Variants in PCDHGC3 observed in about 807,000 individuals in gnomAD.
PCDHGC3 encodes the protein protocadherin gamma subfamily C, 3.
A neutral mutation model predicts 59.2 loss-of-function variants in PCDHGC3; 26 were observed. The ratio of observed to expected loss-of-function variants is 0.44; its 90% confidence interval spans 0.32 to 0.61. PCDHGC3 has a LOEUF of 0.61. Among genes scored for constraint, PCDHGC3 ranks in the 20% least tolerant of loss-of-function variants. PCDHGC3 has a pLI of 0.05. For synonymous variants in PCDHGC3, 487 were observed against 519.7 expected (o/e 0.94, Z 0.86); for missense variants, 1,080 against 1,221.8 (o/e 0.88, Z 1.73).
At position 141,491,168 on chromosome 5, in the gene PCDHGC3, A is replaced by T. The variant is rs1293664414; in HGVS notation, c.2431-3639A>T. On this transcript the variant is annotated intron_variant, in intron 1 of 3. Transcript: ENST00000308177. This position sits in a 1 kb window ranked among gnomAD's most constrained non-coding sequence, Gnocchi z 6.9. ...CTGGAGGATGACTCTGACACCCAGC[A>T]GGTGGTGGTCCTGGTGAGGGACAAT... 3.1e-6 allele frequency: 5 copies of T among 1,614,160 alleles called. No individual in the cohort carries two copies. The highest frequency in any genetic ancestry group is 4.2e-6 in the Non-Finnish European group (5 of 1,179,988).
At chr5:141,500,223 T>TTG (rs1227708024) in intron 2 of PCDHGC3, among the ~76,000 whole-genome samples, 1 of 145,320 alleles carries the variant, frequency 6.9e-6, no homozygotes, top group Non-Finnish European at 1.5e-5. Flanking sequence ...TTTATTTATT[T>TTG]ATTGATACGT....
In PCDHGC3 at chr5:141,486,708, C is replaced by A; in HGVS notation, c.2431-8099C>A. On this transcript the variant is annotated intron_variant, in intron 1 of 3. Transcript: ENST00000308177. The surrounding 1 kb of genome is among the most constrained non-coding windows in gnomAD (Gnocchi z 5.0). ...GCTTCCTCTTTCATCTCTCTGAACC[C>A]CCAGACAGGAGCTGTTCATGCTACT... is the stretch of plus-strand genomic sequence containing the variant. 6.2e-7 allele frequency: 1 copy of A among 1,614,180 alleles called. No individual in the cohort carries two copies. Among genetic ancestry groups the A allele is most frequent in the South Asian group, 1.1e-5 (1 of 91,084 alleles).
Position 141,511,132 on chromosome 5 carries a change from A to G in PCDHGC3, c.2764A>G (p.Asn922Asp). The change falls in exon 4 of 4, where the codon AAT (asparagine) becomes GAT (aspartate). Residue 922 changes from asparagine to aspartate, a missense_variant. Coordinates refer to ENST00000308177, the MANE Select transcript of PCDHGC3 (RefSeq NM_002588.4). ...GGATGGCAAGGCCCCAGCAGGTGGC[A>G]ATGGCAACAAGAAGAAGTCGGGCAA... ...KRDGKAPAGG[N>D]GNKKKSGKKE... is the part of the protein sequence containing the mutation. The G allele has an allele frequency of 6.2e-7, 1 of 1,614,218 alleles. No individual in the cohort carries two copies. Among genetic ancestry groups the G allele is most frequent in the Non-Finnish European group, 8.5e-7 (1 of 1,180,018 alleles).
chr5:141,480,955 G>A (rs2154578440), intron 1 of PCDHGC3, among the ~76,000 whole-genome samples: 1 of 152,304 alleles, frequency 6.6e-6, no homozygotes, highest in South Asian at 2.1e-4. Context: ...TGAGGCGGAA[G>A]CATCAGTGAG....
intron 1 of PCDHGC3, among the ~76,000 whole-genome samples, chr5:141,481,647 A>G (rs749515062): frequency 1.6e-4 from 25 of 151,712 alleles, no homozygotes; most frequent in Non-Finnish European, 2.8e-4. Flanking sequence ...GTGAAACTTC[A>G]TCTCTACTAA....
At chr5:141,499,779 C>T (rs1450026011) in intron 2 of PCDHGC3, among the ~76,000 whole-genome samples, 3 of 151,452 alleles carry the variant, frequency 2.0e-5, no homozygotes, top group Non-Finnish European at 4.4e-5. Flanking sequence ...CTTCGCCTCC[C>T]GGGTTCAAGC....
Position 141,491,410 on chromosome 5 carries a change from GA to G in PCDHGC3, c.2431-3396del. 1 of 1,614,142 alleles carries G rather than the reference GA, an allele frequency of 6.2e-7. No homozygotes were observed. The highest frequency in any genetic ancestry group is 8.5e-7 in the Non-Finnish European group (1 of 1,180,034). On this transcript the variant is annotated intron_variant, in intron 1 of 3. Coordinates refer to ENST00000308177, the MANE Select transcript of PCDHGC3 (RefSeq NM_002588.4). This position sits in a 1 kb window ranked among gnomAD's most constrained non-coding sequence, Gnocchi z 6.9. ...GTGCCTTCAGGGAAACGCAGACGGG[GA>G]CGGGGGTGGAGGGCAGTGCTGCAGG...
At chr5:141,492,163 C>T (rs921256341) in intron 1 of PCDHGC3, among the ~76,000 whole-genome samples, 22 of 152,232 alleles carry the variant, frequency 1.4e-4, no homozygotes, top group African/African-American at 5.3e-4. Context: ...CCTCCCTATC[C>T]CCGCATCACC....
At chr5:141,504,785 G>A (rs1439244687) in intron 2 of PCDHGC3, among the ~76,000 whole-genome samples, 1 of 151,964 alleles carries the variant, frequency 6.6e-6, no homozygotes, top group East Asian at 1.9e-4. Context: ...GTCTCTTGGG[G>A]CCTCCTACAT....
intron 1 of PCDHGC3, chr5:141,484,931 A>G (rs940135310): frequency 1.4e-5 from 7 of 497,998 alleles, no homozygotes; most frequent in Non-Finnish European, 2.5e-5. Flanking sequence ...TGCTGTTGGG[A>G]CGTTCTCTGC....
At position 141,476,716 on chromosome 5, in the gene PCDHGC3, C is replaced by G; in HGVS notation, c.600C>G (p.Arg200=). The G allele has an allele frequency of 6.2e-7, 1 of 1,614,148 alleles. No individual in the cohort carries two copies. The change falls in exon 1 of 4, where the codon CGC becomes CGG. Residue 200 remains arginine (R), a synonymous_variant. Transcript: ENST00000308177. The surrounding 1 kb of genome is among the most constrained non-coding windows in gnomAD (Gnocchi z 7.6). The stretch of plus-strand genomic sequence containing the variant: ...AGTACGCGGAGCTGGTGTTGGAGCG[C>G]GCCCTGGACCGAGAACGGGAGCCTA... The part of the protein sequence containing the change: ...STKYAELVLE[R]ALDREREPSL...
At chr5:141,504,500 GAGTGGATCT>G (rs2099838791) in intron 2 of PCDHGC3, among the ~76,000 whole-genome samples, 1 of 152,072 alleles carries the variant, frequency 6.6e-6, no homozygotes, top group Non-Finnish European at 1.5e-5. Context: ...TGCCCAGTCT[GAGTGGATCT>G]CCTCTGATAT....
Position 141,490,973 on chromosome 5 carries a change from G to A in PCDHGC3, c.2431-3834G>A, listed in dbSNP as rs774983500. 5.0e-6 allele frequency: 8 copies of A among 1,613,932 alleles called. No homozygotes were observed. The highest frequency in any genetic ancestry group is 2.2e-5 in the East Asian group (1 of 44,878). On this transcript the variant is annotated intron_variant, in intron 1 of 3. Transcript: ENST00000308177. The surrounding 1 kb of genome is among the most constrained non-coding windows in gnomAD (Gnocchi z 5.4). ...GACTGGGAACACTCAGCCCCCCAGC[G>A]TCTCCCTCGCTCTGCTCCTCCTGGC...
Position 141,478,451 on chromosome 5 carries a change from G to A in PCDHGC3, c.2335G>A (p.Ala779Thr), listed in dbSNP as rs377597887. The A allele has an allele frequency of 2.5e-6, 4 of 1,613,440 alleles. No homozygotes were observed. The highest frequency in any genetic ancestry group is 2.7e-5 in the African/African-American group (2 of 74,958). Reference protein sequence around the residue: ...SDPLLKKPGAASPLASRQNTL... With the variant: ...SDPLLKKPGATSPLASRQNTL... The stretch of plus-strand genomic sequence containing the variant: ...CCCGCTGCTGAAGAAACCTGGTGCA[G>A]CCAGTCCACTGGCCAGCCGCCAGAA... The change falls in exon 1 of 4, where the codon GCC (alanine) becomes ACC (threonine). Residue 779 changes from alanine (A) to threonine (T), a missense_variant. Physicochemically the swap from Ala to Thr is moderately conservative, Grantham distance 58. Transcript: ENST00000308177.
At position 141,485,379 on chromosome 5, in the gene PCDHGC3, A is replaced by G. The variant is rs749607481; in HGVS notation, c.2430+6833A>G. 12 of 1,613,934 alleles carry G rather than the reference A, an allele frequency of 7.4e-6. No homozygotes were observed. In the Admixed American group the frequency reaches 1.8e-4, roughly 25 times the overall value. The stretch of plus-strand genomic sequence containing the variant: ...GCTCGCAGGCTGCAGGTCGCTGGAG[A>G]GGTGAACCAAAGACACTTCCGTGTG... On this transcript the variant is annotated intron_variant, in intron 1 of 3. Coordinates refer to ENST00000308177, the MANE Select transcript of PCDHGC3 (RefSeq NM_002588.4). This position sits in a 1 kb window ranked among gnomAD's most constrained non-coding sequence, Gnocchi z 5.7.
At chr5:141,502,494 A>G (rs928571740) in intron 2 of PCDHGC3, among the ~76,000 whole-genome samples, 2 of 152,180 alleles carry the variant, frequency 1.3e-5, no homozygotes, top group South Asian at 2.1e-4. Context: ...GGACTCATCT[A>G]ACGTCGGCCT....
At chr5:141,497,143 GA>G (rs928640875) in intron 2 of PCDHGC3, among the ~76,000 whole-genome samples, 7 of 149,992 alleles carry the variant, frequency 4.7e-5, no homozygotes, top group African/African-American at 9.8e-5. Context: ...CTGAGATCAC[GA>G]AAAAAAAATA....
intron 1 of PCDHGC3, among the ~76,000 whole-genome samples, chr5:141,483,648 T>TTGTGTGTG (rs111458813): frequency 0.019 from 2,886 of 149,692 alleles, 51 homozygotes; most frequent in African/African-American, 0.054. Flanking sequence ...GGGTGTGTGT[T>TTGTGTGTG]TGTGTGTGTG....
At chr5:141,495,015 G>C in intron 2 of PCDHGC3, 150 bp downstream of exon 2, 2 of 1,507,428 alleles carry the variant, frequency 1.3e-6, no homozygotes, top group East Asian at 4.9e-5. Flanking sequence ...CGGGGGGCTG[G>C]CACACAGACC....
Sources: gnomAD v4.1 joint callset for allele counts (sites outside exome capture counted in the v4.1 genomes callset) on GRCh38, gnomAD v4.1.1 for gene constraint, Gnocchi (gnomAD v3.1) non-coding constraint, MANE v1.5 for transcripts, NCBI Gene and HGNC (gene_info 2026-07-23, HGNC 2026-07-21) for gene names.